Variants in STUM observed in about 807,000 individuals in gnomAD.
STUM encodes stum, mechanosensory transduction mediator homolog, also known as protein stum homolog.
A neutral mutation model predicts 15.3 loss-of-function variants in STUM; 8 were observed. That is an observed-to-expected ratio of 0.52 (90% confidence interval 0.31 to 0.94). The LOEUF (loss-of-function observed/expected upper bound fraction) is 0.94. Among genes scored for constraint, STUM ranks in the 40% least tolerant of loss-of-function variants. The pLI is 0.05. For synonymous variants in STUM, 78 were observed against 88.7 expected (o/e 0.88, Z 0.68); for missense variants, 142 against 204.9 (o/e 0.69, Z 1.87).
chr1:226,573,091 G>A (rs17520589), intron 1 of STUM, among the ~76,000 whole-genome samples: 5,757 of 152,294 alleles, frequency 0.038, 117 homozygotes, highest in South Asian at 0.062. Context: ...TTCCGGAGTT[G>A]GTCCAGCACC....
intron 1 of STUM, among the ~76,000 whole-genome samples, chr1:226,569,792 G>A (rs1667678664): frequency 1.3e-5 from 2 of 152,174 alleles, no homozygotes; most frequent in Admixed American, 1.3e-4. Flanking sequence ...ACCCTCTTCT[G>A]CCTTCAGGAC....
intron 1 of STUM, among the ~76,000 whole-genome samples, chr1:226,593,593 G>C (rs1668124444): frequency 6.6e-6 from 1 of 152,138 alleles, no homozygotes; most frequent in South Asian, 2.1e-4. Flanking sequence ...TCTCTACAGA[G>C]ACTCCAGAGT....
At chr1:226,589,191 C>T (rs751998756) in intron 1 of STUM, among the ~76,000 whole-genome samples, 11 of 152,168 alleles carry the variant, frequency 7.2e-5, no homozygotes, top group Admixed American at 4.6e-4. Flanking sequence ...AAAGCTCCCA[C>T]GTGAGTCATG....
chr1:226,581,030 A>G (rs903745957), intron 1 of STUM, among the ~76,000 whole-genome samples: 1 of 152,186 alleles, frequency 6.6e-6, no homozygotes, highest in Non-Finnish European at 1.5e-5. Context: ...CCTAGTTCCC[A>G]TGGTTGAAGT....
At position 226,605,694 on chromosome 1, in the gene STUM, G is replaced by A. The variant is rs1668345182; in HGVS notation, c.*3654G>A. 2 of 152,322 alleles carry A rather than the reference G, an allele frequency of 1.3e-5. No homozygotes were observed. Among genetic ancestry groups the A allele is most frequent in the South Asian group, 4.1e-4 (2 of 4,824 alleles). 9.4% of individuals were successfully genotyped at this position (152,322 alleles called of 1,614,324 possible). On this transcript the variant is annotated 3_prime_UTR_variant, in exon 4 of 4. Transcript: ENST00000366788. This position sits in a 1 kb window ranked among gnomAD's most constrained non-coding sequence, Gnocchi z 4.0. Reference sequence around the variant, plus strand: ...CCTGAGACCTGTCATCACTTAGGGGGAGTTGGGCAAAACCTCCTAGGAAGG... The same window carrying A: ...CCTGAGACCTGTCATCACTTAGGGGAAGTTGGGCAAAACCTCCTAGGAAGG...
chr1:226,592,555 G>C (rs911121334), intron 1 of STUM, among the ~76,000 whole-genome samples: 2 of 152,236 alleles, frequency 1.3e-5, no homozygotes, highest in African/African-American at 2.4e-5. Context: ...TGTAGGTAGA[G>C]AGAGGGCTGC....
Position 226,602,192 on chromosome 1 carries a change from A to T in STUM, c.*152A>T. On this transcript the variant is annotated 3_prime_UTR_variant, in exon 4 of 4. Coordinates refer to ENST00000366788, the MANE Select transcript of STUM (RefSeq NM_001003665.4). ...TTTAAAAATATTATTTATTTTGAAA[A>T]CGCATCTGCTTTTCTCAGCAGGTTG... The T allele has an allele frequency of 1.6e-6, 1 of 625,520 alleles. No individual in the cohort carries two copies. Among genetic ancestry groups the T allele is most frequent in the Non-Finnish European group, 2.8e-6 (1 of 359,654 alleles). 38.7% of individuals were successfully genotyped at this position (625,520 alleles called of 1,614,324 possible).
At chr1:226,592,367 T>G in intron 1 of STUM, among the ~76,000 whole-genome samples, 1 of 152,166 alleles carries the variant, frequency 6.6e-6, no homozygotes, top group East Asian at 1.9e-4. Context: ...TATTTTTTAA[T>G]GTAAGGATGC....
chr1:226,598,474 A>G (rs1668216890), intron 2 of STUM, among the ~76,000 whole-genome samples: 3 of 152,152 alleles, frequency 2.0e-5, no homozygotes, highest in Non-Finnish European at 4.4e-5. Context: ...ATGTATGTTG[A>G]TGCCTCATCT....
intron 1 of STUM, among the ~76,000 whole-genome samples, chr1:226,572,825 A>G (rs1417972288): frequency 6.6e-6 from 1 of 152,236 alleles, no homozygotes; most frequent in African/African-American, 2.4e-5. Context: ...GACCAGGCTC[A>G]TGAAAAGTTA....
At position 226,567,572 on chromosome 1, in the gene STUM, G is replaced by A. The variant is rs893306248; in HGVS notation, c.202+18466G>A. ...ACATTTGTTATGGCTCACAAACAGG[G>A]GCTTGCCAGTAAACTTTATTTCCCA... On this transcript the variant is annotated intron_variant, in intron 1 of 3. Transcript: ENST00000366788. This position sits in a 1 kb window ranked among gnomAD's most constrained non-coding sequence, Gnocchi z 4.5. Among the ~76,000 whole-genome samples the A allele has an allele frequency of 9.2e-5, 14 of 152,130 alleles. No homozygotes were observed. The highest frequency in any genetic ancestry group is 5.2e-4 in the Admixed American group (8 of 15,274).
At chr1:226,563,999 G>A (rs1177578705) in intron 1 of STUM, among the ~76,000 whole-genome samples, 1 of 152,212 alleles carries the variant, frequency 6.6e-6, no homozygotes, top group African/African-American at 2.4e-5. Context: ...AAAAGGCTCG[G>A]GTGGTCTTGC....
At chr1:226,588,430 C>T (rs761586925) in intron 1 of STUM, among the ~76,000 whole-genome samples, 3 of 152,220 alleles carry the variant, frequency 2.0e-5, no homozygotes, top group Non-Finnish European at 4.4e-5. Context: ...ATATCTTCTG[C>T]TCCATTTCTT....
chr1:226,597,327 C>A, intron 2 of STUM: 1 of 502,666 alleles, frequency 2.0e-6, no homozygotes, highest in Non-Finnish European at 4.0e-6. Context: ...AATAACCTAG[C>A]AAAATCTTAA....
In STUM at chr1:226,548,961, G is replaced by A. The variant is rs1369342844; in HGVS notation, c.57G>A (p.Ala19=). The change falls in exon 1 of 4, where the codon GCG becomes GCA. Residue 19 remains alanine (A), a synonymous_variant. Transcript: ENST00000366788. The part of the protein sequence containing the change: ...ETAAAAAAVA[A]ADPRGASSSS... Reference sequence around the variant, plus strand: ...CGGCGGCGGCGGCGGCGGTGGCGGCGGCGGACCCCCGGGGGGCGTCCTCGT... The same window carrying A: ...CGGCGGCGGCGGCGGCGGTGGCGGCAGCGGACCCCCGGGGGGCGTCCTCGT... 1.4e-6 allele frequency: 2 copies of A among 1,476,140 alleles called. No individual in the cohort carries two copies. Among genetic ancestry groups the A allele is most frequent in the Admixed American group, 2.8e-5 (1 of 35,336 alleles). 91.4% of individuals were successfully genotyped at this position (1,476,140 alleles called of 1,614,324 possible).
chr1:226,571,562 G>T (rs1253134002), intron 1 of STUM, among the ~76,000 whole-genome samples: 4 of 151,556 alleles, frequency 2.6e-5, no homozygotes, highest in Admixed American at 2.0e-4. Context: ...TTTTTTTTTT[G>T]CAGTTATAGT....
intron 1 of STUM, among the ~76,000 whole-genome samples, chr1:226,572,304 T>A (rs562167715): frequency 6.6e-5 from 10 of 152,336 alleles, no homozygotes; most frequent in African/African-American, 2.4e-4. Context: ...TTTTTCAGTC[T>A]GTTTTTCTAA....
intron 1 of STUM, among the ~76,000 whole-genome samples, chr1:226,560,464 C>A (rs553032310): frequency 6.6e-6 from 1 of 152,112 alleles, no homozygotes; most frequent in Non-Finnish European, 1.5e-5. Flanking sequence ...AACATTGTTT[C>A]GATGATTGTC....
rs1254241265 is a variant in STUM at position 226,565,482 on chromosome 1, A to G, written c.202+16376A>G. Among the ~76,000 whole-genome samples the G allele has an allele frequency of 6.6e-6, 1 of 151,882 alleles. No homozygotes were observed. Among genetic ancestry groups the G allele is most frequent in the Non-Finnish European group, 1.5e-5 (1 of 67,958 alleles). On this transcript the variant is annotated intron_variant, in intron 1 of 3. Transcript: ENST00000366788. This position sits in a 1 kb window ranked among gnomAD's most constrained non-coding sequence, Gnocchi z 4.4. The stretch of plus-strand genomic sequence containing the variant: ...GTCACTTCTCATCCCACCCACCTCC[A>G]CCTGGTTTTCCTAAAGATGTTGGTT...
Sources: gnomAD v4.1 joint callset for allele counts (sites outside exome capture counted in the v4.1 genomes callset) on GRCh38, gnomAD v4.1.1 for gene constraint, Gnocchi (gnomAD v3.1) non-coding constraint, MANE v1.5 for transcripts, NCBI Gene and HGNC (gene_info 2026-07-23, HGNC 2026-07-21) for gene names.